The following TBCEL variants were observed in gnomAD, a reference collection of about 807,000 sequenced individuals.
TBCEL encodes tubulin-specific chaperone cofactor E-like protein.
In TBCEL, 15 loss-of-function variants were observed where a neutral mutation model predicts 44.2. The ratio of observed to expected loss-of-function variants is 0.34; its 90% CI spans 0.23 to 0.52. The LOEUF (loss-of-function observed/expected upper bound fraction) is 0.52, where lower values mean the gene tolerates loss of function less well. Ranked by LOEUF, TBCEL falls within the 20% of genes least tolerant of loss-of-function variation. The pLI is 0.95. For missense variants in TBCEL, 319 were observed against 506.3 expected (o/e 0.63, Z 3.55); for synonymous variants, 171 against 185.4 (o/e 0.92, Z 0.63).
chr11:121,070,190 AAGTC>A (rs1945902517), intron 8 of TBCEL, among the ~76,000 whole-genome samples: 1 of 152,240 alleles, frequency 6.6e-6, no homozygotes, highest in Non-Finnish European at 1.5e-5. Flanking sequence ...GATCATTAAA[AAGTC>A]AGGAAACAAC....
chr11:121,036,917 C>T (rs777946308), intron 2 of TBCEL, among the ~76,000 whole-genome samples: 1 of 152,060 alleles, frequency 6.6e-6, no homozygotes, highest in Non-Finnish European at 1.5e-5. Context: ...GATATATTTG[C>T]CACTAATACA....
At chr11:121,057,518 C>G (rs1167560167) in intron 6 of TBCEL, 1 of 430,464 alleles carries the variant, frequency 2.3e-6, no homozygotes, top group East Asian at 7.2e-5. Flanking sequence ...ATCCATCTCT[C>G]CTGTCACCAA....
chr11:121,028,120 A>T (rs1945078627), intron 1 of TBCEL, among the ~76,000 whole-genome samples: 1 of 143,074 alleles, frequency 7.0e-6, no homozygotes, highest in South Asian at 2.3e-4. Context: ...CCAGAGGATC[A>T]CGAGCCTCAG....
At chr11:121,054,593 G>A (rs1945587581) in intron 5 of TBCEL, among the ~76,000 whole-genome samples, 1 of 151,886 alleles carries the variant, frequency 6.6e-6, no homozygotes, top group Non-Finnish European at 1.5e-5. Context: ...CTGACACAGG[G>A]TAGGGATTCA....
chr11:121,064,813 T>C (rs971045684), intron 8 of TBCEL, among the ~76,000 whole-genome samples: 3 of 152,112 alleles, frequency 2.0e-5, no homozygotes, highest in Non-Finnish European at 4.4e-5. Context: ...TCCATTATCA[T>C]ACTTATTTTC....
At chr11:121,039,367 AT>A (rs1164168655) in intron 2 of TBCEL, among the ~76,000 whole-genome samples, 1 of 152,066 alleles carries the variant, frequency 6.6e-6, no homozygotes, top group African/African-American at 2.4e-5. Flanking sequence ...TGAATTCACT[AT>A]TTCTTGTCTG....
chr11:121,064,269 A>G (rs1436658527), intron 8 of TBCEL, among the ~76,000 whole-genome samples: 2 of 152,246 alleles, frequency 1.3e-5, no homozygotes, highest in Admixed American at 6.5e-5. Context: ...CTTACAAAGG[A>G]TAACTGGTAT....
intron 4 of TBCEL, 61 bp from the exon 5 acceptor site, chr11:121,053,490 A>G (rs1945565358): frequency 6.6e-7 from 1 of 1,514,532 alleles, no homozygotes; most frequent in East Asian, 2.3e-5. Context: ...TTTCTTGAGC[A>G]TGATTGCTAT....
chr11:121,058,580 G>A, intron 7 of TBCEL, 109 bp downstream of exon 7: 1 of 1,420,980 alleles, frequency 7.0e-7, no homozygotes, highest in Non-Finnish European at 9.8e-7. Context: ...CATCCTTTGA[G>A]CAGACTGTGC....
At chr11:121,079,706 T>G (rs1200002524) in intron 8 of TBCEL, among the ~76,000 whole-genome samples, 3 of 152,162 alleles carry the variant, frequency 2.0e-5, no homozygotes, top group African/African-American at 7.2e-5. Context: ...TGATGCCACA[T>G]CAAAAGTGAG....
At chr11:121,038,801 ACTGTCCCACCTC>A (rs1337277780) in intron 2 of TBCEL, among the ~76,000 whole-genome samples, 1 of 151,910 alleles carries the variant, frequency 6.6e-6, no homozygotes, top group Non-Finnish European at 1.5e-5. Context: ...TTTTCCACCA[ACTGTCCCACCTC>A]GTCCACTTTC....
rs551990590 is a variant in TBCEL, at chr11:121,049,922, C to T, written c.273+2255C>T. Among the ~76,000 whole-genome samples the T allele has an allele frequency of 5.3e-5, 8 of 151,832 alleles. No individual in the cohort carries two copies. In the East Asian group the frequency reaches 1.4e-3, roughly 26 times the overall value. On this transcript the variant is annotated intron_variant, in intron 4 of 8. Transcript: ENST00000683345. ...TGACATATATCCAGAGGGTCACATACTTATTTATACTGTATTTATACTCAG... is the reference window on the plus strand; with the variant it reads ...TGACATATATCCAGAGGGTCACATATTTATTTATACTGTATTTATACTCAG...
At chr11:121,040,590 CTATTTT>C (rs1417049255) in intron 2 of TBCEL, among the ~76,000 whole-genome samples, 1 of 151,984 alleles carries the variant, frequency 6.6e-6, no homozygotes, top group Non-Finnish European at 1.5e-5. Flanking sequence ...TTATCTATTT[CTATTTT>C]TATCTATTTT....
intron 6 of TBCEL, 51 bp from the exon 7 acceptor site, chr11:121,058,294 C>A (rs1009327831): frequency 1.3e-6 from 2 of 1,591,660 alleles, no homozygotes; most frequent in Admixed American, 3.5e-5. Context: ...TGTTTCTCTT[C>A]TTATTTATGT....
intron 8 of TBCEL, among the ~76,000 whole-genome samples, chr11:121,063,219 T>C (rs1351483817): frequency 2.0e-5 from 3 of 152,036 alleles, no homozygotes; most frequent in Admixed American, 2.0e-4. Context: ...GCAGGTGGGG[T>C]AAAATCTTGT....
intron 4 of TBCEL, among the ~76,000 whole-genome samples, chr11:121,052,855 A>G (rs753985349): frequency 3.0e-4 from 45 of 151,900 alleles, no homozygotes; most frequent in Admixed American, 3.0e-3. Flanking sequence ...TGAATAAACT[A>G]TATCAAAGAG....
chr11:121,062,454 C>G (rs1050884929), intron 8 of TBCEL, among the ~76,000 whole-genome samples: 1 of 151,910 alleles, frequency 6.6e-6, no homozygotes, highest in African/African-American at 2.4e-5. Context: ...TTGTTTATAC[C>G]AGCGTCACTC....
At chr11:121,068,673 C>G (rs1487846356) in intron 8 of TBCEL, among the ~76,000 whole-genome samples, 1 of 151,878 alleles carries the variant, frequency 6.6e-6, no homozygotes, top group Non-Finnish European at 1.5e-5. Flanking sequence ...CATCTGAGGT[C>G]GGGAGTTCAA....
chr11:121,075,224 A>T (rs976792886), intron 8 of TBCEL, among the ~76,000 whole-genome samples: 7 of 152,042 alleles, frequency 4.6e-5, no homozygotes, highest in Non-Finnish European at 7.4e-5. Context: ...CAGAAAAGAA[A>T]ACCAGAAATA....
Sources: allele counts gnomAD v4.1 joint callset (sites outside exome capture counted in the v4.1 genomes callset), GRCh38; gene constraint gnomAD v4.1.1; transcripts MANE v1.5; gene names NCBI Gene and HGNC (gene_info 2026-07-23, HGNC 2026-07-21).